Variants in BCORL1 observed in about 807,000 individuals in gnomAD.
BCORL1 encodes BCL-6 corepressor-like protein 1.
Under a neutral mutation model 87.6 loss-of-function variants are expected in BCORL1, and 7 were observed. That is an observed-to-expected ratio of 0.08 (90% CI 0.05 to 0.15). The LOEUF is 0.15. Among genes scored for constraint, BCORL1 ranks in the 10% least tolerant of loss-of-function variants. The pLI, the probability that BCORL1 is intolerant of heterozygous loss-of-function variation, is 1.00. For synonymous variants in BCORL1, 591 were observed against 634.4 expected, an observed-to-expected ratio of 0.93 and a Z score of 1.03; for missense variants, 1,215 against 1,499.7, an observed-to-expected ratio of 0.81 and a Z score of 3.13.
intron 13 of BCORL1, among the ~76,000 whole-genome samples, chrX:130,052,790 G>A (rs1173358243): frequency 1.8e-5 from 2 of 112,044 alleles, no homozygotes; most frequent in Admixed American, 9.4e-5. Context: ...ATACTTTTCC[G>A]AACAATTGTA....
chrX:130,026,683 A>G (rs940631538), intron 7 of BCORL1, among the ~76,000 whole-genome samples: 3 of 112,702 alleles, frequency 2.7e-5, no homozygotes, highest in African/African-American at 9.7e-5. Flanking sequence ...AGAGATCTCC[A>G]CAGCATTCTT....
intron 1 of BCORL1, among the ~76,000 whole-genome samples, chrX:129,992,320 C>T (rs754380998): frequency 1.8e-5 from 2 of 110,834 alleles, no homozygotes; most frequent in African/African-American, 6.5e-5. Context: ...GGTGTGGTGG[C>T]ATGTGTCTAT....
chrX:130,010,027 G>C (rs922322636), intron 2 of BCORL1, among the ~76,000 whole-genome samples: 1 of 111,968 alleles, frequency 8.9e-6, no homozygotes, highest in East Asian at 2.8e-4. Flanking sequence ...CAGCGCCTTC[G>C]GGGCTGGACT....
chrX:130,036,991 C>T (rs1013726596), intron 9 of BCORL1, among the ~76,000 whole-genome samples: 6 of 112,035 alleles, frequency 5.4e-5, no homozygotes, highest in South Asian at 3.7e-4. Context: ...ATTAAAAATA[C>T]GAAAATTAGC....
At chrX:129,992,515 G>A (rs1461330061) in intron 1 of BCORL1, among the ~76,000 whole-genome samples, 1 of 111,914 alleles carries the variant, frequency 8.9e-6, no homozygotes, top group Non-Finnish European at 1.9e-5. Flanking sequence ...ATACACCTTT[G>A]AATGAATAAT....
chrX:130,030,811 G>T (rs1327155203), intron 8 of BCORL1, among the ~76,000 whole-genome samples: 1 of 111,858 alleles, frequency 8.9e-6, no homozygotes, highest in Non-Finnish European at 1.9e-5. Context: ...ATTCTGCCTG[G>T]CAGTGGGTCC....
chrX:130,012,648 G>A lies in BCORL1; in HGVS notation c.157G>A (p.Val53Ile). The stretch of plus-strand genomic sequence containing the variant: ...GCACTTTGGATCTCAGGAGTTTTGT[G>A]TCAGCAGCAGTTTTTCCAAGGTAAG... ...CQHFGSQEFC[V>I]SSSFSKVELT... is the part of the protein sequence containing the mutation. Residue 53 changes from valine (V) to isoleucine (I), a missense_variant, in exon 3 of 14, where the codon GTC becomes ATC. Val to Ile is a conservative substitution (Grantham distance 29, BLOSUM62 3). This residue lies in a region of BCORL1 where 861 missense variants were observed against 1,010.0 expected (regional missense o/e 0.85). Coordinates refer to ENST00000540052, the MANE Select transcript of BCORL1 (RefSeq NM_001379451.1). The A allele has an allele frequency of 8.3e-7, 1 of 1,210,944 alleles. No individual in the cohort carries two copies. Among genetic ancestry groups the A allele is most frequent in the Non-Finnish European group, 1.1e-6 (1 of 894,811 alleles).
At chrX:130,002,497 G>C (rs933744749) in intron 1 of BCORL1, among the ~76,000 whole-genome samples, 4 of 100,203 alleles carry the variant, frequency 4.0e-5, no homozygotes, top group Admixed American at 3.3e-4. Context: ...GGAGACCGGG[G>C]AGGGACCGGA....
Position 129,993,242 on chromosome X carries a change from G to A in BCORL1, c.-45+10480G>A, listed in dbSNP as rs946238815. Among the ~76,000 whole-genome samples, 6 of 112,279 alleles carry A rather than the reference G, an allele frequency of 5.3e-5. 1 individual carries two copies. The Middle Eastern group carries it at 0.014, about 256-fold the overall frequency. On this transcript the variant is annotated intron_variant, in intron 1 of 13. Coordinates refer to ENST00000540052, the MANE Select transcript of BCORL1 (RefSeq NM_001379451.1). ...TGTATAAAATCTTGTAGCTAGAGCC[G>A]AGGTTTATTATAAAGCTATGATGAG...
intron 1 of BCORL1, among the ~76,000 whole-genome samples, chrX:129,993,384 C>T (rs746051325): frequency 4.4e-5 from 5 of 112,361 alleles, no homozygotes; most frequent in African/African-American, 9.7e-5. Context: ...AAGAATCTGG[C>T]GGTATGAAAA....
At chrX:130,006,563 G>A (rs961199728) in intron 2 of BCORL1, among the ~76,000 whole-genome samples, 1 of 110,641 alleles carries the variant, frequency 9.0e-6, no homozygotes, top group Non-Finnish European at 1.9e-5. Flanking sequence ...GTTTCACCAT[G>A]TTAGCCAGGA....
intron 2 of BCORL1, among the ~76,000 whole-genome samples, chrX:130,011,002 T>TAAAAAAAAA (rs1186630415): frequency 1.0e-4 from 2 of 19,095 alleles, no homozygotes; most frequent in African/African-American, 1.7e-4. Context: ...AGATTCAATC[T>TAAAAAAAAA]AAAAAAAAAA....
intron 11 of BCORL1, among the ~76,000 whole-genome samples, chrX:130,040,182 C>T (rs1931224869): frequency 8.9e-6 from 1 of 112,124 alleles, no homozygotes; most frequent in Admixed American, 9.5e-5. Context: ...TAGAACCCCT[C>T]TCTGGCCAGG....
Position 130,013,612 on chromosome X carries a change from A to T in BCORL1, c.840A>T (p.Ser280=). Residue 280 remains serine (S), a synonymous_variant, in exon 4 of 14, where the codon TCA becomes TCT. Coordinates refer to ENST00000540052, the MANE Select transcript of BCORL1 (RefSeq NM_001379451.1). The stretch of plus-strand genomic sequence containing the variant: ...CGAACCCCCTTTCTGTTTCGGCCTC[A>T]GTCTTGGTGCCTGTGCCAGCTTCTG... ...SDSNPLSVSA[S]VLVPVPASAP... 8.3e-7 allele frequency: 1 copy of T among 1,210,115 alleles called. No individual in the cohort carries two copies. The highest frequency in any genetic ancestry group is 1.1e-6 in the Non-Finnish European group (1 of 895,101).
intron 10 of BCORL1, 77 bp from the exon 11 acceptor site, chrX:130,039,059 CT>C (rs1931141133): frequency 9.0e-7 from 1 of 1,116,617 alleles, no homozygotes. Flanking sequence ...GTTTTTTCCC[CT>C]GATGCAGTAG....
chrX:130,043,996 C>T (rs181440040), intron 11 of BCORL1, among the ~76,000 whole-genome samples: 2 of 104,984 alleles, frequency 1.9e-5, no homozygotes, highest in African/African-American at 7.0e-5. Flanking sequence ...TGGTCTCGAT[C>T]TCCTGGCCTC....
At chrX:129,985,032 G>A (rs1416562579) in intron 1 of BCORL1, among the ~76,000 whole-genome samples, 1 of 110,900 alleles carries the variant, frequency 9.0e-6, no homozygotes, top group African/African-American at 3.3e-5. Flanking sequence ...CTACTGTTAA[G>A]GCAGTTTGGA....
At chrX:129,989,552 C>T (rs139811053) in intron 1 of BCORL1, among the ~76,000 whole-genome samples, 1,192 of 91,558 alleles carry the variant, frequency 0.013, 22 homozygotes, top group African/African-American at 0.047. Context: ...CTGCAACCTC[C>T]GTCTCCTGGG....
At position 130,055,850 on chromosome X, in the gene BCORL1, G is replaced by A; in HGVS notation, c.5076-4G>A. ...TTCAATAACTCCCATCCTTGCCTTT[G>A]CAGGCCCTGCAACTGGTTCCTCTTT... On this transcript the variant is annotated splice_region_variant and splice_polypyrimidine_tract_variant and intron_variant, in intron 13 of 13. Transcript: ENST00000540052. The A allele has an allele frequency of 9.2e-6, 11 of 1,198,351 alleles. No homozygotes were observed. The highest frequency in any genetic ancestry group is 9.0e-6 in the Non-Finnish European group (8 of 888,210).
Sources: allele counts gnomAD v4.1 joint callset (sites outside exome capture counted in the v4.1 genomes callset), GRCh38; gene constraint gnomAD v4.1.1; regional missense constraint gnomAD v4.1.1; transcripts MANE v1.5; gene names NCBI Gene and HGNC (gene_info 2026-07-23, HGNC 2026-07-21).